The following IGSF10 variants were observed in gnomAD, a reference collection of about 807,000 sequenced individuals.
IGSF10 encodes calvaria mechanical force protein 608.
IGSF10 carries 126 observed loss-of-function variants against 128.2 expected under a neutral mutation model. That is an observed-to-expected ratio of 0.98 (90% CI 0.85 to 1.14). The LOEUF is 1.14. Among genes scored for constraint, IGSF10 ranks in the 50% most tolerant of loss-of-function variants. IGSF10 has a pLI of 0.00. For missense variants in IGSF10, 3,295 were observed against 3,149.8 expected, an observed-to-expected ratio of 1.05 and a Z score of -1.10; for synonymous variants, 1,185 against 1,146.2, an observed-to-expected ratio of 1.03 and a Z score of -0.68.
At chr3:151,460,187 G>A (rs142402863) in intron 2 of IGSF10, 74 bp downstream of exon 2, 4 of 316,650 alleles carry the variant, frequency 1.3e-5, no homozygotes, top group Non-Finnish European at 9.1e-6. Flanking sequence ...AATAGCATAA[G>A]ACAACACATG....
chr3:151,463,562 C>G (rs34810250), upstream of IGSF10, among the ~76,000 whole-genome samples: 1 of 83,534 alleles, frequency 1.2e-5, no homozygotes, highest in African/African-American at 5.1e-5. Context: ...TTTTTTTTTT[C>G]TGAGACGGAG....
At chr3:151,588,363 C>G in the IGSF10 span, among the ~76,000 whole-genome samples, 1 of 151,968 alleles carries the variant, frequency 6.6e-6, no homozygotes, top group Non-Finnish European at 1.5e-5. Context: ...GTACACTCTC[C>G]TATGTCCAGC....
intron 5 of IGSF10, among the ~76,000 whole-genome samples, chr3:151,452,803 G>T (rs1159107046): frequency 6.6e-6 from 1 of 152,000 alleles, no homozygotes; most frequent in Non-Finnish European, 1.5e-5. Flanking sequence ...TGGTGAAATG[G>T]TTATTCTGAT....
the IGSF10 span, among the ~76,000 whole-genome samples, chr3:151,473,197 T>C: frequency 2.0e-5 from 3 of 152,206 alleles, no homozygotes; most frequent in Admixed American, 1.3e-4. Context: ...CATAATCAGT[T>C]GATGGCTTTA....
At chr3:151,510,411 C>T in the IGSF10 span, among the ~76,000 whole-genome samples, 7 of 152,206 alleles carry the variant, frequency 4.6e-5, no homozygotes, top group Non-Finnish European at 1.0e-4. Flanking sequence ...TTGGTCCTGA[C>T]TGGTAGAAGG....
the IGSF10 span, among the ~76,000 whole-genome samples, chr3:151,574,646 C>T: frequency 6.6e-6 from 1 of 152,220 alleles, no homozygotes; most frequent in Non-Finnish European, 1.5e-5. Flanking sequence ...TTTTAGCTTC[C>T]TTGTGATGGG....
the IGSF10 span, among the ~76,000 whole-genome samples, chr3:151,496,994 T>C: frequency 6.6e-6 from 1 of 152,204 alleles, no homozygotes; most frequent in South Asian, 2.1e-4. Context: ...GAAGTGTCTG[T>C]TCATATCCTT....
Position 151,449,108 on chromosome 3 carries a change from C to G in IGSF10, c.873G>C (p.Lys291Asn). Residue 291 changes from lysine to asparagine, a missense_variant, in exon 6 of 8, where the codon AAG becomes AAC. Lys to Asn is a moderately conservative substitution (Grantham distance 94, BLOSUM62 0). Transcript: ENST00000282466. ...TACTGTCTTCCAGAATAGTCAGGCT[C>G]TTTGATTTCAGGGATGAGTCAATGG... ...KPTIDSSLKS[K>N]SLTILEDSSS... 1 of 1,614,144 alleles carries G rather than the reference C, an allele frequency of 6.2e-7. No homozygotes were observed. The highest frequency in any genetic ancestry group is 8.5e-7 in the Non-Finnish European group (1 of 1,180,044).
chr3:151,521,425 T>A, the IGSF10 span, among the ~76,000 whole-genome samples: 2 of 151,832 alleles, frequency 1.3e-5, no homozygotes, highest in Non-Finnish European at 2.9e-5. Flanking sequence ...CATTGCTGCA[T>A]GGTGCATACT....
chr3:151,503,705 C>T, the IGSF10 span, among the ~76,000 whole-genome samples: 12 of 152,132 alleles, frequency 7.9e-5, no homozygotes, highest in African/African-American at 1.7e-4. Flanking sequence ...GTCTAATGCA[C>T]GCCAAATTGG....
the IGSF10 span, among the ~76,000 whole-genome samples, chr3:151,558,929 A>C: frequency 6.6e-6 from 1 of 152,114 alleles, no homozygotes; most frequent in Non-Finnish European, 1.5e-5. Flanking sequence ...CACCTAGTAA[A>C]TTTTAGAAAT....
In IGSF10 at chr3:151,438,508, G is replaced by T; in HGVS notation, c.6053C>A (p.Ala2018Glu). ...CAGATCATCCCCCATTTTGTTTCTTGCCACACACAAGTAGACACCACTGTC... is the reference window on the plus strand; with the variant it reads ...CAGATCATCCCCCATTTTGTTTCTTTCCACACACAAGTAGACACCACTGTC... Reference protein sequence around the residue: ...EKDSGVYLCVARNKMGDDLIL... With the variant: ...EKDSGVYLCVERNKMGDDLIL... The change falls in exon 8 of 8, where the codon GCA becomes GAA. Residue 2018 changes from alanine to glutamate, a missense_variant. Coordinates refer to ENST00000282466, the MANE Select transcript of IGSF10 (RefSeq NM_178822.5). 6.2e-7 allele frequency: 1 copy of T among 1,613,952 alleles called. No homozygotes were observed. The highest frequency in any genetic ancestry group is 8.5e-7 in the Non-Finnish European group (1 of 1,180,000).
the IGSF10 span, among the ~76,000 whole-genome samples, chr3:151,553,742 C>T: frequency 6.6e-6 from 1 of 151,696 alleles, no homozygotes; most frequent in African/African-American, 2.4e-5. Flanking sequence ...AACAATGATA[C>T]ATTCCTCAAG....
the IGSF10 span, among the ~76,000 whole-genome samples, chr3:151,472,835 G>A: frequency 6.6e-6 from 1 of 152,094 alleles, no homozygotes; most frequent in Non-Finnish European, 1.5e-5. Flanking sequence ...TGGGTCTTCT[G>A]GAAACAATAT....
Position 151,445,173 on chromosome 3 carries a change from G to A in IGSF10, c.4808C>T (p.Ala1603Val). The change falls in exon 6 of 8, where the codon GCC becomes GTC. Residue 1603 changes from alanine (A) to valine (V), a missense_variant. By Grantham distance (64) the Ala-to-Val change is moderately conservative (BLOSUM62 0). Transcript: ENST00000282466. ...SMLATTGLSE[A>V]TTLVSDWDGQ... is the part of the protein sequence containing the mutation. The stretch of plus-strand genomic sequence containing the variant: ...ATCCCAATCTGAAACAAGAGTGGTG[G>A]CCTCGGACAGGCCTGTAGTAGCCAA... The A allele has an allele frequency of 1.9e-6, 3 of 1,614,226 alleles. No homozygotes were observed. Among genetic ancestry groups the A allele is most frequent in the Non-Finnish European group, 2.5e-6 (3 of 1,180,038 alleles).
the IGSF10 span, among the ~76,000 whole-genome samples, chr3:151,593,992 CG>C: frequency 0.24 from 36,564 of 152,034 alleles, 4,758 homozygotes; most frequent in South Asian, 0.5. Context: ...GGAATGAATA[CG>C]GCAGATCAGA....
At chr3:151,449,581 G>A (rs1560179540) in intron 5 of IGSF10, among the ~76,000 whole-genome samples, 1 of 151,976 alleles carries the variant, frequency 6.6e-6, no homozygotes, top group Admixed American at 6.6e-5. Flanking sequence ...TTAAATCTAG[G>A]GAAACAAAAT....
At position 151,437,716 on chromosome 3, in the gene IGSF10, G is replaced by A. The variant is rs1344634240; in HGVS notation, c.6845C>T (p.Thr2282Ile). Residue 2282 changes from threonine to isoleucine, a missense_variant, in exon 8 of 8, where the codon ACA (threonine) becomes ATA (isoleucine). Transcript: ENST00000282466. ...GATTCTGCTTCCATAGTATGGGGCTGTGAGGAAAATATTGTCTGGCATGAT... is the reference window on the plus strand; with the variant it reads ...GATTCTGCTTCCATAGTATGGGGCTATGAGGAAAATATTGTCTGGCATGAT... ...MWIMPDNIFL[T>I]APYYGSRITV... is the part of the protein sequence containing the mutation. 6.2e-7 allele frequency: 1 copy of A among 1,614,150 alleles called. No individual in the cohort carries two copies. Among genetic ancestry groups the A allele is most frequent in the Non-Finnish European group, 8.5e-7 (1 of 1,180,024 alleles).
chr3:151,472,147 A>T, the IGSF10 span, among the ~76,000 whole-genome samples: 1 of 152,328 alleles, frequency 6.6e-6, no homozygotes, highest in African/African-American at 2.4e-5. Context: ...CCAGTGTTTG[A>T]CTTGTCAAAG....
Sources: allele counts gnomAD v4.1 joint callset (sites outside exome capture counted in the v4.1 genomes callset), GRCh38; gene constraint gnomAD v4.1.1; transcripts MANE v1.5; gene names NCBI Gene and HGNC (gene_info 2026-07-23, HGNC 2026-07-21).